The following SLC24A2 variants were observed in gnomAD, a reference collection of about 807,000 sequenced individuals.
The protein encoded by SLC24A2 is solute carrier family 24 member 2.
In SLC24A2, 36 loss-of-function variants were observed where a neutral mutation model predicts 62.0. The ratio of observed to expected loss-of-function variants is 0.58; its 90% confidence interval spans 0.44 to 0.77. The LOEUF is 0.77. Among genes scored for constraint, SLC24A2 ranks in the 30% least tolerant of loss-of-function variants. The pLI is 0.00. For missense variants in SLC24A2, 846 were observed against 817.9 expected, an observed-to-expected ratio of 1.03 and a Z score of -0.42; for synonymous variants, 358 against 294.0, an observed-to-expected ratio of 1.22 and a Z score of -2.23.
chr9:19,668,648 G>A (rs1357519586), intron 2 of SLC24A2, among the ~76,000 whole-genome samples: 6 of 152,036 alleles, frequency 3.9e-5, no homozygotes, highest in South Asian at 4.1e-4. Context: ...CAAAGTATCC[G>A]CCTGCCTCCG....
At chr9:19,889,128 C>A in the SLC24A2 span, among the ~76,000 whole-genome samples, 59,607 of 152,020 alleles carry the variant, frequency 0.39, 12,268 homozygotes, top group East Asian at 0.82. Flanking sequence ...ACCTTGGCTG[C>A]TGCTTCTCTT....
At chr9:19,794,495 G>A in the SLC24A2 span, among the ~76,000 whole-genome samples, 1 of 151,736 alleles carries the variant, frequency 6.6e-6, no homozygotes, top group African/African-American at 2.4e-5. Context: ...GATTACCTGG[G>A]TGACAAAATT....
the SLC24A2 span, among the ~76,000 whole-genome samples, chr9:20,218,789 T>G: frequency 6.6e-6 from 1 of 152,120 alleles, no homozygotes; most frequent in African/African-American, 2.4e-5. Context: ...ACACATGTAT[T>G]TCTTATCTCA....
the SLC24A2 span, among the ~76,000 whole-genome samples, chr9:20,281,039 C>T: frequency 5.3e-5 from 8 of 152,148 alleles, no homozygotes; most frequent in Non-Finnish European, 1.0e-4. Context: ...AATGGATCCC[C>T]CAACCTCAGC....
At chr9:19,593,680 T>C (rs1412874806) in intron 5 of SLC24A2, among the ~76,000 whole-genome samples, 1 of 152,176 alleles carries the variant, frequency 6.6e-6, no homozygotes, top group Non-Finnish European at 1.5e-5. Context: ...CCACTCCCTA[T>C]GCTGTAGCCA....
At chr9:20,068,875 T>C in the SLC24A2 span, among the ~76,000 whole-genome samples, 1,428 of 152,276 alleles carry the variant, frequency 9.4e-3, 29 homozygotes, top group African/African-American at 0.033. Context: ...CTGGTTTCAA[T>C]TTTTCATGTT....
intron 9 of SLC24A2, among the ~76,000 whole-genome samples, chr9:19,522,621 T>A (rs1466745534): frequency 6.6e-6 from 1 of 152,162 alleles, no homozygotes; most frequent in Admixed American, 6.6e-5. Flanking sequence ...TACCCTGTCC[T>A]CATGGGACAC....
chr9:19,857,842 C>A, the SLC24A2 span, among the ~76,000 whole-genome samples: 1 of 151,666 alleles, frequency 6.6e-6, no homozygotes, highest in Admixed American at 6.6e-5. Context: ...ACTATTTCGT[C>A]CTTTGCAGTC....
At chr9:19,748,510 C>G (rs1821896276) in intron 2 of SLC24A2, among the ~76,000 whole-genome samples, 1 of 152,100 alleles carries the variant, frequency 6.6e-6, no homozygotes, top group Non-Finnish European at 1.5e-5. Context: ...TGAGTCACAG[C>G]TGGGCAGTAA....
chr9:20,099,255 G>C, the SLC24A2 span, among the ~76,000 whole-genome samples: 1 of 152,154 alleles, frequency 6.6e-6, no homozygotes, highest in Non-Finnish European at 1.5e-5. Flanking sequence ...CCAGAGATAG[G>C]AGAAAGTACT....
chr9:19,695,580 C>G (rs746230976), intron 2 of SLC24A2, among the ~76,000 whole-genome samples: 48 of 150,470 alleles, frequency 3.2e-4, no homozygotes, highest in Non-Finnish European at 6.5e-4. Flanking sequence ...CACGTGAAAC[C>G]CAGCAATTCT....
rs139045893 is a variant in SLC24A2, at chr9:19,737,734, A to G, written c.930+48203T>C. Among the ~76,000 whole-genome samples, 77 of 152,212 alleles carry G rather than the reference A, an allele frequency of 5.1e-4. 1 individual carries two copies. Among genetic ancestry groups the G allele is most frequent in the African/African-American group, 1.7e-3 (72 of 41,584 alleles). ...ACGTTAAAATTAAAGGCAAGATGCA[A>G]ATAAATTACTGAGTTTCAAAATTTT... On this transcript the variant is annotated intron_variant, in intron 2 of 10. Coordinates refer to ENST00000341998, the MANE Select transcript of SLC24A2 (RefSeq NM_020344.4).
the SLC24A2 span, chr9:19,929,889 A>C: frequency 1.1e-4 from 17 of 152,352 alleles, no homozygotes; most frequent in African/African-American, 3.6e-4. Context: ...GTTTCTAACA[A>C]AAAAGTCTAA....
chr9:19,813,403 A>G, the SLC24A2 span, among the ~76,000 whole-genome samples: 183 of 146,972 alleles, frequency 1.2e-3, no homozygotes, highest in East Asian at 3.8e-3. Context: ...GCTCACTGCA[A>G]TCTCCACCTC....
At chr9:19,625,294 T>TATAA (rs564137694) in intron 2 of SLC24A2, among the ~76,000 whole-genome samples, 26 of 152,238 alleles carry the variant, frequency 1.7e-4, no homozygotes, top group East Asian at 1.5e-3. Flanking sequence ...AACAAATTCC[T>TATAA]ATAAATAAAT....
At chr9:19,918,654 T>C in the SLC24A2 span, among the ~76,000 whole-genome samples, 2 of 151,802 alleles carry the variant, frequency 1.3e-5, no homozygotes, top group Non-Finnish European at 2.9e-5. Flanking sequence ...ACTCCAGGAG[T>C]GTATGCCATA....
chr9:20,019,131 A>AGAGAGAGAGAG, the SLC24A2 span, among the ~76,000 whole-genome samples: 1 of 123,784 alleles, frequency 8.1e-6, no homozygotes, highest in African/African-American at 3.9e-5. Context: ...GAAAGAAAGA[A>AGAGAGAGAGAG]AGAAAGAAAG....
Position 19,558,893 on chromosome 9 carries a change from G to A in SLC24A2, c.1348-8625C>T, listed in dbSNP as rs897922013. Among the ~76,000 whole-genome samples the A allele has an allele frequency of 1.9e-4, 29 of 152,166 alleles. 1 individual carries two copies. Among genetic ancestry groups the A allele is most frequent in the Non-Finnish European group, 1.9e-4 (13 of 68,038 alleles). On this transcript the variant is annotated intron_variant, in intron 7 of 10. Transcript: ENST00000341998. ...GTATGTGCCTATATAGTGAGTGTGTGGGAGGCTCCTAGGAGAAGACATCTT... is the reference window on the plus strand; with the variant it reads ...GTATGTGCCTATATAGTGAGTGTGTAGGAGGCTCCTAGGAGAAGACATCTT...
the SLC24A2 span, among the ~76,000 whole-genome samples, chr9:20,212,804 A>C: frequency 6.6e-6 from 1 of 151,452 alleles, no homozygotes; most frequent in South Asian, 2.1e-4. Flanking sequence ...AAATATACAT[A>C]TTTATAAAAA....
Sources: gnomAD v4.1 joint callset for allele counts (sites outside exome capture counted in the v4.1 genomes callset) on GRCh38, gnomAD v4.1.1 for gene constraint, MANE v1.5 for transcripts, NCBI Gene and HGNC (gene_info 2026-07-23, HGNC 2026-07-21) for gene names.